The following UNC79 variants were observed in gnomAD, a reference collection of about 807,000 sequenced individuals.
The protein encoded by UNC79 is protein unc-79 homolog.
Under a neutral mutation model 283.1 loss-of-function variants are expected in UNC79, and 37 were observed. That is an observed-to-expected ratio of 0.13 (90% CI 0.10 to 0.17). The LOEUF (loss-of-function observed/expected upper bound fraction) is 0.17, where lower values mean the gene tolerates loss of function less well. UNC79 is among the 10% of genes least tolerant of loss of function. UNC79 has a pLI of 1.00. For missense variants in UNC79, 2,272 were observed against 3,211.1 expected (o/e 0.71, Z 7.07); for synonymous variants, 1,107 against 1,200.2 (o/e 0.92, Z 1.61).
In UNC79 at chr14:93,363,858, A is replaced by G. The variant is rs868734932; in HGVS notation, c.-351+30335A>G. Among the ~76,000 whole-genome samples the G allele has an allele frequency of 6.6e-5, 10 of 152,152 alleles. No homozygotes were observed. In the South Asian group the frequency reaches 1.9e-3, roughly 28 times the overall value. On this transcript the variant is annotated intron_variant, in intron 1 of 49. Transcript: ENST00000256339. Reference sequence around the variant, plus strand: ...CTCAGCCTCCCAAGTAGCTGGGACTACAGGCGCCTGCCACCACACCCAGCT... The same window carrying G: ...CTCAGCCTCCCAAGTAGCTGGGACTGCAGGCGCCTGCCACCACACCCAGCT...
At chr14:93,589,589 C>A (rs1389601221) in intron 22 of UNC79, among the ~76,000 whole-genome samples, 1 of 152,054 alleles carries the variant, frequency 6.6e-6, no homozygotes, top group Non-Finnish European at 1.5e-5. Context: ...GCCTGAGGAG[C>A]AAGACTGAAC....
intron 10 of UNC79, among the ~76,000 whole-genome samples, chr14:93,529,823 A>AT (rs1861975153): frequency 6.6e-6 from 1 of 152,240 alleles, no homozygotes; most frequent in African/African-American, 2.4e-5. Context: ...TATCTAACCC[A>AT]TCTCAATGGA....
chr14:93,637,421 G>A, intron 32 of UNC79, 122 bp downstream of exon 35: 1 of 1,480,154 alleles, frequency 6.8e-7, no homozygotes, highest in Non-Finnish European at 8.9e-7. Context: ...GATGACCTTT[G>A]CCCAAACACC....
intron 30 of UNC79, among the ~76,000 whole-genome samples, chr14:93,626,472 G>A (rs2067578274): frequency 6.6e-6 from 1 of 151,756 alleles, no homozygotes; most frequent in South Asian, 2.1e-4. Context: ...TTTCCTAAAG[G>A]ACCCTTGATT....
Position 93,621,915 on chromosome 14 carries a change from T to A in UNC79, c.4682T>A (p.Ile1561Asn). Residue 1561 changes from isoleucine to asparagine, a missense_variant, in exon 30 of 49, where the codon ATC (isoleucine) becomes AAC (asparagine). Ile to Asn is a moderately radical substitution (Grantham distance 149, BLOSUM62 -3). Transcript: ENST00000555664. This position sits in a 1 kb window ranked among gnomAD's most constrained non-coding sequence, Gnocchi z 4.8. ...GCTACGAGGCCTGACAATAGTGAAATCCCCGAGAACCCAGCTATGGAAGGG... is the reference window on the plus strand; with the variant it reads ...GCTACGAGGCCTGACAATAGTGAAAACCCCGAGAACCCAGCTATGGAAGGG... The A allele has an allele frequency of 1.2e-6, 2 of 1,613,824 alleles. No homozygotes were observed. Among genetic ancestry groups the A allele is most frequent in the Non-Finnish European group, 1.7e-6 (2 of 1,179,976 alleles).
At chr14:93,336,605 T>G (rs2053582852) in intron 1 of UNC79, among the ~76,000 whole-genome samples, 1 of 152,174 alleles carries the variant, frequency 6.6e-6, no homozygotes, top group East Asian at 1.9e-4. Flanking sequence ...CCTCCCAAAG[T>G]GCTAGGATTA....
At chr14:93,694,387 A>T in exon 47 of UNC79, 1 of 1,610,754 alleles carries the variant, frequency 6.2e-7, no homozygotes, top group Non-Finnish European at 8.5e-7. Context: ...GCATTGCAGG[A>T]ATGCAATTCG....
Position 93,418,198 on chromosome 14 carries a change from G to A in UNC79, c.-350-49473G>A, listed in dbSNP as rs1229907736. ...ATGGTGATGTACAGATGGGTTTTTG[G>A]TGTGGATGCCCTTTCTGTTTGTTAG... On this transcript the variant is annotated intron_variant, in intron 1 of 49. Coordinates refer to the UNC79 transcript ENST00000256339. Among the ~76,000 whole-genome samples, 10 of 151,742 alleles carry A rather than the reference G, an allele frequency of 6.6e-5. 1 individual carries two copies. In the East Asian group the frequency reaches 2.0e-3, roughly 30 times the overall value.
At chr14:93,524,992 T>C (rs1388709357) in intron 8 of UNC79, among the ~76,000 whole-genome samples, 2 of 152,144 alleles carry the variant, frequency 1.3e-5, no homozygotes, top group Non-Finnish European at 2.9e-5. Context: ...CCAATAAATA[T>C]AAAAGAAACC....
chr14:93,636,083 A>G (rs896603035), intron 31 of UNC79, among the ~76,000 whole-genome samples: 1 of 152,226 alleles, frequency 6.6e-6, no homozygotes, highest in Non-Finnish European at 1.5e-5. Context: ...TCCGACTACA[A>G]TGACAACCTA....
At chr14:93,660,620 C>T (rs1202168822) in intron 39 of UNC79, among the ~76,000 whole-genome samples, 2 of 145,826 alleles carry the variant, frequency 1.4e-5, no homozygotes, top group South Asian at 2.2e-4. Context: ...GACAGAGTCT[C>T]GCTCTGTCAC....
At position 93,602,016 on chromosome 14, in the gene UNC79, G is replaced by A. The variant is rs2142056797; in HGVS notation, c.3575-1223G>A. Among the ~76,000 whole-genome samples, 3 of 152,250 alleles carry A rather than the reference G, an allele frequency of 2.0e-5. No individual in the cohort carries two copies. The Middle Eastern group carries it at 0.01, about 518-fold the overall frequency. Reference sequence around the variant, plus strand: ...TCTGGATATTGGTCCTCTGTCAGATGCATAGTTTGCAAATATTTTTCCCCA... The same window carrying A: ...TCTGGATATTGGTCCTCTGTCAGATACATAGTTTGCAAATATTTTTCCCCA... On this transcript the variant is annotated intron_variant, in intron 25 of 48. Transcript: ENST00000555664.
At position 93,662,586 on chromosome 14, in the gene UNC79, G is replaced by A; in HGVS notation, c.6526-18G>A. 1 of 1,543,322 alleles carries A rather than the reference G, an allele frequency of 6.5e-7. No individual in the cohort carries two copies. The highest frequency in any genetic ancestry group is 1.2e-5 in the South Asian group (1 of 85,798). On this transcript the variant is annotated intron_variant, in intron 39 of 48. Transcript: ENST00000555664. ...AGTAATCAGCAATTGACTTTATTTG[G>A]CCCCAATCTCATTGCAGAGTTTGTT...
At chr14:93,510,697 C>T (rs768232436) in intron 7 of UNC79, among the ~76,000 whole-genome samples, 1 of 152,190 alleles carries the variant, frequency 6.6e-6, no homozygotes, top group Non-Finnish European at 1.5e-5. Flanking sequence ...GAGACTGCCT[C>T]AGCCTGGAAT....
intron 3 of UNC79, among the ~76,000 whole-genome samples, chr14:93,475,618 C>T (rs547557767): frequency 2.6e-4 from 39 of 152,256 alleles, no homozygotes; most frequent in African/African-American, 9.4e-4. Context: ...TGAGAGGATT[C>T]TTAACATAAG....
At chr14:93,592,260 T>C (rs1595984350) in intron 22 of UNC79, among the ~76,000 whole-genome samples, 1 of 150,140 alleles carries the variant, frequency 6.7e-6, no homozygotes, top group African/African-American at 2.5e-5. Context: ...CTGCAAGCTC[T>C]GCCTCCCGGG....
chr14:93,476,941 A>G (rs1048326320), intron 3 of UNC79, among the ~76,000 whole-genome samples: 1 of 152,174 alleles, frequency 6.6e-6, no homozygotes, highest in Non-Finnish European at 1.5e-5. Context: ...CCTCCTAACA[A>G]TCCTTCTAAT....
At chr14:93,592,036 G>C (rs867340838) in intron 22 of UNC79, among the ~76,000 whole-genome samples, 2 of 151,888 alleles carry the variant, frequency 1.3e-5, no homozygotes, top group Non-Finnish European at 2.9e-5. Flanking sequence ...CGCCACGTAT[G>C]GTCTGTAAAT....
chr14:93,655,590 G>T (rs977107478), intron 38 of UNC79, among the ~76,000 whole-genome samples, 183 bp downstream of exon 41: 2 of 150,304 alleles, frequency 1.3e-5, no homozygotes, highest in African/African-American at 4.9e-5. Context: ...TGACAGGAAT[G>T]TGGAGTGAGC....
Sources: allele counts gnomAD v4.1 joint callset (sites outside exome capture counted in the v4.1 genomes callset), GRCh38; gene constraint gnomAD v4.1.1; non-coding constraint Gnocchi (gnomAD v3.1); transcripts MANE v1.5; gene names NCBI Gene and HGNC (gene_info 2026-07-23, HGNC 2026-07-21).